The following GRIK5 variants were observed in gnomAD, a reference collection of about 807,000 sequenced individuals.
GRIK5 encodes the protein glutamate ionotropic receptor kainate type subunit 5, also known as glutamate receptor ionotropic, kainate 5.
GRIK5 carries 43 observed loss-of-function variants against 97.4 expected under a neutral mutation model. That is an observed-to-expected ratio of 0.44 (90% confidence interval 0.35 to 0.57). GRIK5 has a LOEUF of 0.57. Among genes scored for constraint, GRIK5 ranks in the 20% least tolerant of loss-of-function variants. The probability of loss-of-function intolerance (pLI) is 0.01; values close to 1 mark genes in which losing one functional copy is unlikely to be tolerated. For synonymous variants in GRIK5, 580 were observed against 583.5 expected, an observed-to-expected ratio of 0.99 and a Z score of 0.09; for missense variants, 1,015 against 1,382.0, an observed-to-expected ratio of 0.73 and a Z score of 4.21.
intron 15 of GRIK5, among the ~76,000 whole-genome samples, chr19:42,014,590 C>G (rs1162536210): frequency 6.6e-6 from 1 of 151,978 alleles, no homozygotes; most frequent in Non-Finnish European, 1.5e-5. Context: ...TGAGACCAGC[C>G]TTGCCAACAT....
At chr19:42,058,919 C>T (rs142260844) in intron 6 of GRIK5, among the ~76,000 whole-genome samples, 1 of 152,252 alleles carries the variant, frequency 6.6e-6, no homozygotes, top group East Asian at 1.9e-4. Flanking sequence ...TTCAGAGCTA[C>T]GATGTAGCCA....
chr19:42,005,581 C>T (rs2075479377), intron 17 of GRIK5, 142 bp downstream of exon 17: 2 of 638,170 alleles, frequency 3.1e-6, no homozygotes, highest in Admixed American at 4.9e-5. Context: ...GGTGATGTCG[C>T]CTGCCCAAGA....
rs2146051194 is a variant in GRIK5, at chr19:42,022,163, G to A, written c.1587+78C>T. The A allele has an allele frequency of 2.8e-6, 4 of 1,413,996 alleles. No homozygotes were observed. Among genetic ancestry groups the A allele is most frequent in the Non-Finnish European group, 3.0e-6 (3 of 1,005,262 alleles). The allele number at this position is 1,413,996 out of a possible 1,614,324, so 87.6% of individuals were successfully genotyped here. A position where few individuals can be genotyped will look rare whatever the true frequency, so the allele number is the denominator to read the frequency against. The stretch of plus-strand genomic sequence containing the variant: ...GCCTGACCGGCCCATCTGAGGTCCT[G>A]GGGCTGTCTGGCTCCCACTCGCAGG... On this transcript the variant is annotated intron_variant, in intron 13 of 19. Coordinates refer to ENST00000593562, the MANE Select transcript of GRIK5 (RefSeq NM_002088.5). This position sits in a 1 kb window ranked among gnomAD's most constrained non-coding sequence, Gnocchi z 4.2.
intron 11 of GRIK5, among the ~76,000 whole-genome samples, chr19:42,052,841 G>A (rs1297217857): frequency 2.6e-5 from 4 of 152,224 alleles, no homozygotes; most frequent in Non-Finnish European, 5.9e-5. Context: ...GTGCAGCAGA[G>A]AGGGCACCAG....
chr19:42,065,575 G>A lies in GRIK5; in HGVS notation c.79+117C>T. On this transcript the variant is annotated intron_variant, in intron 2 of 19. Transcript: ENST00000593562. This position sits in a 1 kb window ranked among gnomAD's most constrained non-coding sequence, Gnocchi z 5.8. The stretch of plus-strand genomic sequence containing the variant: ...CTGGGGGAAGGAGGAACTGGAGGCT[G>A]GGATTCCTTGCTGCTGAAGAGAGCT... The A allele has an allele frequency of 9.8e-7, 1 of 1,022,512 alleles. No homozygotes were observed. The highest frequency in any genetic ancestry group is 1.6e-5 in the African/African-American group (1 of 62,282). 63.3% of individuals were successfully genotyped at this position (1,022,512 alleles called of 1,614,324 possible). A position where few individuals can be genotyped will look rare whatever the true frequency, so the allele number is the denominator to read the frequency against.
chr19:42,039,944 C>T (rs772025507), intron 12 of GRIK5, among the ~76,000 whole-genome samples: 2 of 151,714 alleles, frequency 1.3e-5, no homozygotes, highest in Non-Finnish European at 2.9e-5. Context: ...TGCACTACTG[C>T]GCTCCAGCCT....
In GRIK5 at chr19:42,002,978, C is replaced by T. The variant is rs574034493; in HGVS notation, c.2514+354G>A. 3.7e-4 allele frequency among the ~76,000 whole-genome samples: 56 copies of T among 152,208 alleles called. No individual in the cohort carries two copies. Among genetic ancestry groups the T allele is most frequent in the South Asian group, 8.3e-4 (4 of 4,818 alleles). On this transcript the variant is annotated intron_variant, in intron 19 of 19. Transcript: ENST00000593562. The surrounding 1 kb of genome is among the most constrained non-coding windows in gnomAD (Gnocchi z 5.2). ...CTTGAACTCCTGACCTCAGGTGATC[C>T]GCCAGCCTCGGCCTCCCAAAGTGCT...
At chr19:42,057,035 A>T in intron 6 of GRIK5, 57 bp from the exon 7 acceptor site, 1 of 1,305,270 alleles carries the variant, frequency 7.7e-7, no homozygotes, top group Non-Finnish European at 1.1e-6. Flanking sequence ...ACAGGCAGAG[A>T]TGGGGAGGAC....
chr19:42,028,713 G>T (rs1482766691), intron 12 of GRIK5, among the ~76,000 whole-genome samples: 1 of 152,238 alleles, frequency 6.6e-6, no homozygotes, highest in African/African-American at 2.4e-5. Context: ...CTAGGGATGT[G>T]GCCACTTCCT....
At position 42,065,725 on chromosome 19, in the gene GRIK5, G is replaced by T; in HGVS notation, c.46C>A (p.Pro16Thr). 6.3e-7 allele frequency: 1 copy of T among 1,597,372 alleles called. No individual in the cohort carries two copies. Among genetic ancestry groups the T allele is most frequent in the East Asian group, 2.3e-5 (1 of 43,976 alleles). ...AGTGATGAGAGCACCTGGCAGCTGG[G>T]GCTGGCGAAGGCAACAATCAGCAGC... ...LLLLIVAFAS[P>T]SCQVLSSLRM... The change falls in exon 2 of 20, where the codon CCC becomes ACC. Residue 16 changes from proline (P) to threonine (T), a missense_variant. This residue lies in a region of GRIK5 where 198 missense variants were observed against 218.2 expected (regional missense o/e 0.91). Coordinates refer to ENST00000593562, the MANE Select transcript of GRIK5 (RefSeq NM_002088.5). The surrounding 1 kb of genome is among the most constrained non-coding windows in gnomAD (Gnocchi z 5.8).
At chr19:42,026,724 A>G (rs962538905) in intron 12 of GRIK5, among the ~76,000 whole-genome samples, 1 of 151,604 alleles carries the variant, frequency 6.6e-6, no homozygotes, top group Non-Finnish European at 1.5e-5. Context: ...GAATGCCACC[A>G]TGCCCAGCTA....
chr19:42,037,484 C>CA (rs1056654338), intron 12 of GRIK5, among the ~76,000 whole-genome samples: 2 of 151,986 alleles, frequency 1.3e-5, no homozygotes, highest in Non-Finnish European at 2.9e-5. Flanking sequence ...AACAAACAAA[C>CA]AAAAAAACCC....
rs2076318575 is a variant in GRIK5, at chr19:42,065,506, T to G, written c.80-119A>C. 8.9e-7 allele frequency: 1 copy of G among 1,118,592 alleles called. No homozygotes were observed. Among genetic ancestry groups the G allele is most frequent in the Non-Finnish European group, 1.3e-6 (1 of 797,034 alleles). The allele number at this position is 1,118,592 out of a possible 1,614,324, so 69.3% of individuals were successfully genotyped here. A position where few individuals can be genotyped will look rare whatever the true frequency, so the allele number is the denominator to read the frequency against. On this transcript the variant is annotated intron_variant, in intron 2 of 19. Transcript: ENST00000593562. This position sits in a 1 kb window ranked among gnomAD's most constrained non-coding sequence, Gnocchi z 5.8. ...TATACGGACCAGGGGTCTAGACACC[T>G]GGATCTGAGGTTGGTGGGAGCTAGG...
Position 42,003,306 on chromosome 19 carries a change from C to CG in GRIK5, c.2514+25_2514+26insC. ...CAGCCCCTGGGGGTCCCTGTTCCTGCCCACCCCCACCCCCAGCCTCCTCAC... is the reference window on the plus strand; with the variant it reads ...CAGCCCCTGGGGGTCCCTGTTCCTGCGCCACCCCCACCCCCAGCCTCCTCAC... On this transcript the variant is annotated intron_variant, in intron 19 of 19. Transcript: ENST00000593562. The surrounding 1 kb of genome is among the most constrained non-coding windows in gnomAD (Gnocchi z 4.2). 2 of 970,836 alleles carry CG rather than the reference C, an allele frequency of 2.1e-6. No individual in the cohort carries two copies. Among genetic ancestry groups the CG allele is most frequent in the Non-Finnish European group, 3.3e-6 (2 of 607,586 alleles). 60.1% of individuals were successfully genotyped at this position (970,836 alleles called of 1,614,324 possible).
In GRIK5 at chr19:42,059,439, G is replaced by A; in HGVS notation, c.597C>T (p.Pro199=). 1 of 1,613,882 alleles carries A rather than the reference G, an allele frequency of 6.2e-7. No homozygotes were observed. The highest frequency in any genetic ancestry group is 1.7e-4 in the Middle Eastern group (1 of 6,060). The part of the protein sequence containing the change: ...SVRMLDDSRD[P]TPLLKEIRDD... ...CACGGATCTCCTTGAGCAGTGGTGT[G>A]GGGTCCCGGCTGTCGTCCAACATCC... is the stretch of plus-strand genomic sequence containing the variant. Residue 199 remains proline, a synonymous_variant, in exon 6 of 20, where the codon CCC becomes CCT. Transcript: ENST00000593562.
rs185253838 is a variant in GRIK5 at position 42,008,728 on chromosome 19, C to T, written c.1872-1918G>A. Among the ~76,000 whole-genome samples the T allele has an allele frequency of 2.9e-4, 44 of 151,976 alleles. 1 individual carries two copies. In the East Asian group the frequency reaches 3.1e-3, roughly 11 times the overall value. ...GACCCAGAATTGACATAGATGATGACGGAATTAGCAGACAAGGACATGAAA... is the reference window on the plus strand; with the variant it reads ...GACCCAGAATTGACATAGATGATGATGGAATTAGCAGACAAGGACATGAAA... On this transcript the variant is annotated intron_variant, in intron 15 of 19. Coordinates refer to ENST00000593562, the MANE Select transcript of GRIK5 (RefSeq NM_002088.5).
intron 11 of GRIK5, among the ~76,000 whole-genome samples, chr19:42,052,766 G>T (rs1441897853): frequency 6.6e-6 from 1 of 151,670 alleles, no homozygotes; most frequent in Admixed American, 6.6e-5. Context: ...CAGGCCCTGT[G>T]GATCACCCCC....
chr19:42,005,156 C>T (rs1568880255), intron 17 of GRIK5, among the ~76,000 whole-genome samples: 1 of 150,596 alleles, frequency 6.6e-6, no homozygotes. Flanking sequence ...AAAAACATGT[C>T]CTGGGCCATG....
intron 11 of GRIK5, among the ~76,000 whole-genome samples, chr19:42,043,272 G>A: frequency 6.6e-6 from 1 of 152,052 alleles, no homozygotes; most frequent in Non-Finnish European, 1.5e-5. Flanking sequence ...TTTCCACATG[G>A]CTGGTAATGA....
Sources: allele counts gnomAD v4.1 joint callset (sites outside exome capture counted in the v4.1 genomes callset), GRCh38; gene constraint gnomAD v4.1.1; regional missense constraint gnomAD v4.1.1; non-coding constraint Gnocchi (gnomAD v3.1); transcripts MANE v1.5; gene names NCBI Gene and HGNC (gene_info 2026-07-23, HGNC 2026-07-21).